Variants in SF3B1 observed in about 807,000 individuals in gnomAD.
The protein encoded by SF3B1 is splicing factor 3b subunit 1, also known as pre-mRNA processing 10.
In SF3B1, 12 loss-of-function variants were observed where a neutral mutation model predicts 153.8. That is an observed-to-expected ratio of 0.08 (90% CI 0.05 to 0.13). The LOEUF (loss-of-function observed/expected upper bound fraction) is 0.13, where lower values mean the gene tolerates loss of function less well. Among genes scored for constraint, SF3B1 ranks in the 10% least tolerant of loss-of-function variants. SF3B1 has a pLI of 1.00. For missense variants in SF3B1, 513 were observed against 1,606.1 expected, an observed-to-expected ratio of 0.32 and a Z score of 11.63; for synonymous variants, 498 against 525.2, an observed-to-expected ratio of 0.95 and a Z score of 0.71.
intron 5 of SF3B1, 66 bp from the exon 6 acceptor site, chr2:197,416,977 T>A: frequency 6.8e-7 from 1 of 1,464,730 alleles, no homozygotes; most frequent in South Asian, 1.2e-5. Context: ...ATTAGCGCAA[T>A]CACTTCCACT....
chr2:197,413,109 C>A (rs1280121647), intron 6 of SF3B1, among the ~76,000 whole-genome samples: 1 of 150,536 alleles, frequency 6.6e-6, no homozygotes, highest in Non-Finnish European at 1.5e-5. Flanking sequence ...ATTAAAGTTA[C>A]TAGTTACTTG....
At chr2:197,422,044 A>T (rs1308648951) in intron 2 of SF3B1, among the ~76,000 whole-genome samples, 1 of 152,210 alleles carries the variant, frequency 6.6e-6, no homozygotes, top group Non-Finnish European at 1.5e-5. Flanking sequence ...AATAAAAAAT[A>T]AAAAGTGCAA....
intron 6 of SF3B1, among the ~76,000 whole-genome samples, chr2:197,415,239 A>G (rs1454390081): frequency 2.0e-5 from 3 of 150,842 alleles, no homozygotes; most frequent in Non-Finnish European, 4.4e-5. Context: ...CATAAGCAAA[A>G]GAGTAGCTTT....
intron 1 of SF3B1, among the ~76,000 whole-genome samples, chr2:197,431,680 C>T (rs2085439858): frequency 6.6e-6 from 1 of 152,144 alleles, no homozygotes; most frequent in African/African-American, 2.4e-5. Flanking sequence ...TAAAAGACAT[C>T]ACAGAAAAAC....
intron 1 of SF3B1, among the ~76,000 whole-genome samples, chr2:197,427,033 C>T (rs768458807): frequency 6.6e-6 from 1 of 152,180 alleles, no homozygotes; most frequent in African/African-American, 2.4e-5. Flanking sequence ...TATTCTGGAA[C>T]TAATTTCAGC....
chr2:197,420,005 T>C (rs2085213784), intron 4 of SF3B1: 1 of 230,336 alleles, frequency 4.3e-6, no homozygotes, highest in African/African-American at 2.2e-5. Context: ...CTAAGCTATA[T>C]TTAGAGCACT....
intron 21 of SF3B1, 102 bp downstream of exon 21, chr2:197,398,359 C>A: frequency 8.1e-7 from 1 of 1,237,010 alleles, no homozygotes. Context: ...TAATCTTTTA[C>A]ACTTATATTA....
chr2:197,410,360 A>G (rs551257753), intron 6 of SF3B1, among the ~76,000 whole-genome samples: 1 of 152,182 alleles, frequency 6.6e-6, no homozygotes, highest in Non-Finnish European at 1.5e-5. Flanking sequence ...CTCTAATTAC[A>G]TTAGTACTTC....
chr2:197,404,817 C>T, intron 11 of SF3B1: 1 of 300,726 alleles, frequency 3.3e-6, no homozygotes, highest in Non-Finnish European at 6.4e-6. Flanking sequence ...CCACAGCGGG[C>T]TATACCAATA....
chr2:197,418,639 G>A, intron 4 of SF3B1, 51 bp from the exon 5 acceptor site: 1 of 1,585,226 alleles, frequency 6.3e-7, no homozygotes, highest in Non-Finnish European at 8.6e-7. Context: ...TAAAAAATAA[G>A]CAGGTTCAAC....
chr2:197,419,109 A>G (rs769721121), intron 4 of SF3B1: 18 of 592,204 alleles, frequency 3.0e-5, no homozygotes, highest in Admixed American at 2.1e-4. Flanking sequence ...AGAAAATCTG[A>G]TTTTAAAAAT....
At chr2:197,412,685 T>C (rs973284792) in intron 6 of SF3B1, among the ~76,000 whole-genome samples, 2 of 150,766 alleles carry the variant, frequency 1.3e-5, no homozygotes, top group African/African-American at 2.4e-5. Flanking sequence ...AAGAAAGATA[T>C]CAGCATATCA....
At chr2:197,408,340 A>C (rs780681105) in intron 8 of SF3B1, 29 bp downstream of exon 8, 16 of 1,597,916 alleles carry the variant, frequency 1.0e-5, no homozygotes, top group Non-Finnish European at 1.4e-5. Context: ...TGGAGAAAAA[A>C]ACAATTATGT....
chr2:197,431,389 G>A (rs991264047), intron 1 of SF3B1, among the ~76,000 whole-genome samples: 4 of 152,020 alleles, frequency 2.6e-5, no homozygotes, highest in Admixed American at 6.6e-5. Context: ...CAAAGTGCTG[G>A]GATTATAGGT....
At chr2:197,417,011 T>A in intron 5 of SF3B1, 100 bp from the exon 6 acceptor site, 1 of 1,218,678 alleles carries the variant, frequency 8.2e-7, no homozygotes, top group Non-Finnish European at 1.2e-6. Flanking sequence ...TATACTTTGC[T>A]CATTCTCTTT....
chr2:197,421,931 T>C (rs1170568385), intron 2 of SF3B1, among the ~76,000 whole-genome samples: 1 of 152,132 alleles, frequency 6.6e-6, no homozygotes, highest in East Asian at 1.9e-4. Flanking sequence ...TAGTGAGGCA[T>C]GATCTGGCCA....
chr2:197,430,087 A>G (rs921671601), intron 1 of SF3B1, among the ~76,000 whole-genome samples: 11 of 152,368 alleles, frequency 7.2e-5, no homozygotes, highest in Admixed American at 2.6e-4. Flanking sequence ...ATAAATCATT[A>G]AATCACAATG....
At chr2:197,414,149 G>C (rs190630163) in intron 6 of SF3B1, among the ~76,000 whole-genome samples, 4 of 152,276 alleles carry the variant, frequency 2.6e-5, no homozygotes, top group Admixed American at 1.3e-4. Flanking sequence ...GGAAAGACCA[G>C]GGGAGCAGGA....
In SF3B1 at chr2:197,421,131, A is replaced by G. The variant is rs1363629976; in HGVS notation, c.198T>C (p.Asp66=). ...TCGTAGATGATGAATAGTCATCGTC[A>G]TCCTGCAATGAAAACCCCCCAAAAA... ...TSIAATELED[D]DDDYSSSTSL... Residue 66 remains aspartate (D), a splice_region_variant and synonymous_variant, in exon 3 of 25, where the codon GAT becomes GAC. Coordinates refer to ENST00000335508, the MANE Select transcript of SF3B1 (RefSeq NM_012433.4). The G allele has an allele frequency of 6.2e-7, 1 of 1,604,432 alleles. No homozygotes were observed. The highest frequency in any genetic ancestry group is 8.5e-7 in the Non-Finnish European group (1 of 1,172,900).
Sources: gnomAD v4.1 joint callset for allele counts (sites outside exome capture counted in the v4.1 genomes callset) on GRCh38, gnomAD v4.1.1 for gene constraint, MANE v1.5 for transcripts, NCBI Gene and HGNC (gene_info 2026-07-23, HGNC 2026-07-21) for gene names.